GPR158: variants seen among roughly 807,000 people sequenced by gnomAD.
GPR158 encodes the protein G protein-coupled receptor 158.
In GPR158, 30 loss-of-function variants were observed where a neutral mutation model predicts 78.2. The ratio of observed to expected loss-of-function variants is 0.38; its 90% CI spans 0.29 to 0.52. GPR158 has a LOEUF of 0.52. Ranked by LOEUF, GPR158 falls within the 20% of genes least tolerant of loss-of-function variation. The pLI is 0.83. For missense variants in GPR158, 1,463 were observed against 1,523.5 expected, an observed-to-expected ratio of 0.96 and a Z score of 0.66; for synonymous variants, 581 against 591.1, an observed-to-expected ratio of 0.98 and a Z score of 0.25.
chr10:25,540,791 G>T (rs1412508999), intron 5 of GPR158, among the ~76,000 whole-genome samples: 4 of 151,552 alleles, frequency 2.6e-5, no homozygotes, highest in African/African-American at 9.7e-5. Context: ...GGGGCCTGTC[G>T]TGGGGTGGGG....
At chr10:25,465,101 A>G (rs1835404554) in intron 4 of GPR158, among the ~76,000 whole-genome samples, 1 of 152,150 alleles carries the variant, frequency 6.6e-6, no homozygotes, top group Non-Finnish European at 1.5e-5. Context: ...GGATTTTTGG[A>G]AGGGGAATTA....
rs149284846 is a variant in GPR158 at position 25,573,630 on chromosome 10, C to T, written c.1753+743C>T. Among the ~76,000 whole-genome samples, 1,138 of 152,268 alleles carry T rather than the reference C, an allele frequency of 7.5e-3. 56 individuals are homozygous for T. Among genetic ancestry groups the T allele is most frequent in the Non-Finnish European group, 1.5e-3 (105 of 67,996 alleles). On this transcript the variant is annotated intron_variant, in intron 7 of 10. Transcript: ENST00000376351. ...TTAAACTACGTCCCTAAACATACAA[C>T]AAAAGGGATATTTTATTGTTCCCCT...
intron 1 of GPR158, among the ~76,000 whole-genome samples, chr10:25,179,721 A>C (rs1852590565): frequency 6.6e-6 from 1 of 152,122 alleles, no homozygotes; most frequent in South Asian, 2.1e-4. Context: ...AAAAAATGGC[A>C]CTCATTTCTC....
At chr10:25,379,506 A>G (rs1322220872) in intron 2 of GPR158, among the ~76,000 whole-genome samples, 3 of 152,162 alleles carry the variant, frequency 2.0e-5, no homozygotes, top group Non-Finnish European at 4.4e-5. Context: ...ACCTTTATCC[A>G]TACAGGGTCC....
intron 2 of GPR158, among the ~76,000 whole-genome samples, chr10:25,353,875 C>T (rs143944490): frequency 3.7e-4 from 56 of 152,116 alleles, no homozygotes; most frequent in Non-Finnish European, 6.2e-4. Context: ...AAGAACTTAG[C>T]TCTGCCATTT....
At chr10:25,392,168 T>C (rs1305722966) in intron 2 of GPR158, among the ~76,000 whole-genome samples, 1 of 152,022 alleles carries the variant, frequency 6.6e-6, no homozygotes, top group African/African-American at 2.4e-5. Context: ...AGCATGAGAG[T>C]GGACTAATAC....
chr10:25,537,974 A>C (rs1273697916), intron 5 of GPR158, among the ~76,000 whole-genome samples: 1 of 152,068 alleles, frequency 6.6e-6, no homozygotes, highest in Non-Finnish European at 1.5e-5. Context: ...AAATTACCCA[A>C]TTTCAGGTAT....
intron 2 of GPR158, among the ~76,000 whole-genome samples, chr10:25,333,916 C>A (rs149451476): frequency 3.3e-5 from 5 of 152,190 alleles, no homozygotes; most frequent in African/African-American, 9.6e-5. Flanking sequence ...CAAGTATAGA[C>A]AACCCACAGA....
intron 7 of GPR158, among the ~76,000 whole-genome samples, chr10:25,574,319 G>C (rs565237235): frequency 4.5e-4 from 68 of 152,050 alleles, no homozygotes; most frequent in Non-Finnish European, 8.2e-4. Context: ...TTTCTATGTA[G>C]AAATATATAG....
At chr10:25,406,419 C>T (rs1834516534) in intron 3 of GPR158, among the ~76,000 whole-genome samples, 3 of 152,074 alleles carry the variant, frequency 2.0e-5, no homozygotes, top group South Asian at 4.2e-4. Flanking sequence ...TTTCTTTCTT[C>T]CTTGTCTTAC....
At chr10:25,336,204 A>G (rs1187121918) in intron 2 of GPR158, among the ~76,000 whole-genome samples, 1 of 152,116 alleles carries the variant, frequency 6.6e-6, no homozygotes, top group Non-Finnish European at 1.5e-5. Flanking sequence ...CATAAAAAAG[A>G]CACAAAATAT....
At position 25,586,390 on chromosome 10, in the gene GPR158, A is replaced by ATTTTTTTTTTTTTT. The variant is rs1564498202; in HGVS notation, c.1754-2617_1754-2616insTTTTTTTTTTTTTT. On this transcript the variant is annotated intron_variant, in intron 7 of 10. Coordinates refer to ENST00000376351, the MANE Select transcript of GPR158 (RefSeq NM_020752.3). The stretch of plus-strand genomic sequence containing the variant: ...CCAGGGTTGTAAGTAGGTATGTGTG[A>ATTTTTTTTTTTTTT]ATTTTTTTTTTTTTTTTTTTTTTTT... Among the ~76,000 whole-genome samples the ATTTTTTTTTTTTTT allele has an allele frequency of 6.1e-5, 8 of 130,942 alleles. 2 individuals carry two copies. The highest frequency in any genetic ancestry group is 8.1e-5 in the Non-Finnish European group (5 of 61,846). 85.9% of individuals were successfully genotyped at this position (130,942 alleles called of 152,430 possible). A position where few individuals can be genotyped will look rare whatever the true frequency, so the allele number is the denominator to read the frequency against.
At chr10:25,243,686 A>G (rs1368978706) in intron 2 of GPR158, among the ~76,000 whole-genome samples, 3 of 152,154 alleles carry the variant, frequency 2.0e-5, no homozygotes, top group East Asian at 1.9e-4. Flanking sequence ...TGTGTCTCCA[A>G]TCTTTTATAT....
chr10:25,262,346 G>A (rs1853978393), intron 2 of GPR158, among the ~76,000 whole-genome samples: 1 of 151,962 alleles, frequency 6.6e-6, no homozygotes, highest in Admixed American at 6.6e-5. Flanking sequence ...TTTTCCTCAG[G>A]GGAACATTGT....
chr10:25,471,756 T>A (rs952973497), intron 5 of GPR158, among the ~76,000 whole-genome samples: 5 of 152,226 alleles, frequency 3.3e-5, no homozygotes, highest in Admixed American at 2.6e-4. Flanking sequence ...TGCATAAATA[T>A]CTTCTTTTGA....
chr10:25,572,929 C>A, intron 7 of GPR158, 42 bp downstream of exon 7: 1 of 1,143,790 alleles, frequency 8.7e-7, no homozygotes. Flanking sequence ...TACCATTTTT[C>A]AGTAGCATTA....
chr10:25,408,877 G>A (rs970534277), intron 3 of GPR158, among the ~76,000 whole-genome samples: 1 of 152,108 alleles, frequency 6.6e-6, no homozygotes, highest in Admixed American at 6.6e-5. Context: ...CGCACTTCCT[G>A]TTCTGCTATG....
intron 5 of GPR158, among the ~76,000 whole-genome samples, chr10:25,522,404 A>C (rs1836290077): frequency 6.6e-6 from 1 of 152,212 alleles, no homozygotes; most frequent in African/African-American, 2.4e-5. Context: ...TTTTTTATAA[A>C]GAGAGATATT....
At chr10:25,550,517 A>G (rs4749046) in intron 5 of GPR158, among the ~76,000 whole-genome samples, 86,879 of 151,952 alleles carry the variant, frequency 0.57, 26,831 homozygotes, top group African/African-American at 0.81. Flanking sequence ...GACTATCCTC[A>G]CTTGTTCGTT....
Sources: gnomAD v4.1 joint callset for allele counts (sites outside exome capture counted in the v4.1 genomes callset) on GRCh38, gnomAD v4.1.1 for gene constraint, MANE v1.5 for transcripts, NCBI Gene and HGNC (gene_info 2026-07-23, HGNC 2026-07-21) for gene names.